The following UNC13C variants were observed in gnomAD, a reference collection of about 807,000 sequenced individuals.
The protein encoded by UNC13C is unc-13 homolog C.
A neutral mutation model predicts 245.4 loss-of-function variants in UNC13C; 174 were observed. The observed-to-expected ratio is 0.71, with a 90% CI of 0.63 to 0.80. UNC13C has a LOEUF of 0.80. Ranked by LOEUF, UNC13C falls within the 30% of genes least tolerant of loss-of-function variation. The pLI is 0.00. For synonymous variants in UNC13C, 992 were observed against 895.1 expected (o/e 1.11, Z -1.93); for missense variants, 2,829 against 2,602.9 (o/e 1.09, Z -1.89).
intron 4 of UNC13C, among the ~76,000 whole-genome samples, chr15:54,233,101 T>A (rs923665110): frequency 3.9e-5 from 6 of 152,204 alleles, no homozygotes; most frequent in African/African-American, 1.4e-4. Context: ...CAAAAGAGTA[T>A]GTCACCAATG....
intron 19 of UNC13C, among the ~76,000 whole-genome samples, chr15:54,447,233 G>T (rs1266684450): frequency 6.6e-6 from 1 of 152,008 alleles, no homozygotes; most frequent in East Asian, 1.9e-4. Context: ...GTTCATCAGG[G>T]ATATTGGTCT....
chr15:54,213,042 A>G (rs1004938922), intron 4 of UNC13C, among the ~76,000 whole-genome samples: 2 of 152,016 alleles, frequency 1.3e-5, no homozygotes, highest in African/African-American at 4.8e-5. Context: ...TAGAATAATA[A>G]CCTTTGCTTC....
In UNC13C at chr15:54,006,949, G is replaced by A. The variant is rs1332504961; in HGVS notation, c.-256-5699G>A. Among the ~76,000 whole-genome samples, 3 of 152,184 alleles carry A rather than the reference G, an allele frequency of 2.0e-5. No homozygotes were observed. The East Asian group carries it at 5.8e-4, about 29-fold the overall frequency. On this transcript the variant is annotated intron_variant, in intron 1 of 32. Transcript: ENST00000260323. ...CTCAGTTGCACCTTTTCTGCACTTT[G>A]TGAGGGTTGCTTCCTTCTCTGTTGC...
chr15:54,090,961 G>A (rs997986196), intron 2 of UNC13C, among the ~76,000 whole-genome samples: 1 of 151,660 alleles, frequency 6.6e-6, no homozygotes. Flanking sequence ...CCTCTGTGCA[G>A]AGAGATGAGA....
Position 54,392,915 on chromosome 15 carries a change from A to G in UNC13C, c.4714-133A>G, listed in dbSNP as rs534552477. ...AATGAAGAAAAGAAACCTGAGTTTA[A>G]CAGCTTTGACTCCCATAATCTAAGT... On this transcript the variant is annotated intron_variant, in intron 17 of 32. Transcript: ENST00000260323. 33 of 1,051,354 alleles carry G rather than the reference A, an allele frequency of 3.1e-5. 1 individual carries two copies. The South Asian group carries it at 7.8e-4, about 25-fold the overall frequency. 65.1% of individuals were successfully genotyped at this position (1,051,354 alleles called of 1,614,324 possible). A position where few individuals can be genotyped will look rare whatever the true frequency, so the allele number is the denominator to read the frequency against.
chr15:54,387,008 T>C (rs1481188845), intron 17 of UNC13C, among the ~76,000 whole-genome samples: 1 of 152,208 alleles, frequency 6.6e-6, no homozygotes, highest in African/African-American at 2.4e-5. Flanking sequence ...CACATTGCTC[T>C]TCACAAGGAT....
At chr15:54,273,345 C>T (rs192001661) in intron 10 of UNC13C, among the ~76,000 whole-genome samples, 2 of 152,266 alleles carry the variant, frequency 1.3e-5, no homozygotes, top group East Asian at 3.9e-4. Context: ...TTCACTGTGT[C>T]CCTATCTCCC....
Position 54,500,819 on chromosome 15 carries a change from C to T in UNC13C, c.5158-16C>T, listed in dbSNP as rs1227060101. The T allele has an allele frequency of 1.2e-6, 2 of 1,611,390 alleles. No individual in the cohort carries two copies. The highest frequency in any genetic ancestry group is 3.3e-5 in the Admixed American group (2 of 59,702). On this transcript the variant is annotated splice_polypyrimidine_tract_variant and intron_variant, in intron 21 of 32. Coordinates refer to ENST00000260323, the MANE Select transcript of UNC13C (RefSeq NM_001080534.3). ...TAATGTACTGTTTGGGATGGTTTCA[C>T]CTCCTCTCCCCACAGTTCCAGCAGA...
rs768911140 is a variant in UNC13C at position 54,531,056 on chromosome 15, C to T, written c.5547-1861C>T. Among the ~76,000 whole-genome samples the T allele has an allele frequency of 1.3e-3, 196 of 152,062 alleles. 3 individuals carry two copies. Among genetic ancestry groups the T allele is most frequent in the Non-Finnish European group, 4.3e-4 (29 of 68,006 alleles). ...GTAAAGGGGTCTATAGTGGCATTTTCGGAAGTAATAATAAATCCTCAGATT... is the reference window on the plus strand; with the variant it reads ...GTAAAGGGGTCTATAGTGGCATTTTTGGAAGTAATAATAAATCCTCAGATT... On this transcript the variant is annotated intron_variant, in intron 25 of 32. Coordinates refer to ENST00000260323, the MANE Select transcript of UNC13C (RefSeq NM_001080534.3).
At chr15:54,333,391 A>C (rs1416086251) in intron 15 of UNC13C, among the ~76,000 whole-genome samples, 1 of 152,032 alleles carries the variant, frequency 6.6e-6, no homozygotes, top group Admixed American at 6.6e-5. Context: ...AGTATTTTTT[A>C]AAAAGTAGTT....
chr15:54,279,527 G>A lies in UNC13C; in HGVS notation c.3818+14031G>A, dbSNP rs577520737. On this transcript the variant is annotated intron_variant, in intron 10 of 32. Transcript: ENST00000260323. ...TCAGATAAAGTCTGTTTGGGAAGCT[G>A]ATGGAACCACAACTTGTTACTGGCA... 7.2e-5 allele frequency among the ~76,000 whole-genome samples: 11 copies of A among 152,272 alleles called. No homozygotes were observed. In the South Asian group the frequency reaches 2.3e-3, roughly 32 times the overall value.
At chr15:54,522,034 G>T (rs1465697504) in intron 24 of UNC13C, among the ~76,000 whole-genome samples, 2 of 152,226 alleles carry the variant, frequency 1.3e-5, no homozygotes, top group Admixed American at 6.5e-5. Flanking sequence ...CATAGTCAGT[G>T]TAGAGGCTAG....
chr15:54,275,200 TA>T (rs1312996515), intron 10 of UNC13C, among the ~76,000 whole-genome samples: 1 of 152,092 alleles, frequency 6.6e-6, no homozygotes, highest in African/African-American at 2.4e-5. Flanking sequence ...ACACTTTAAA[TA>T]AAGACACAAA....
intron 14 of UNC13C, among the ~76,000 whole-genome samples, chr15:54,328,061 A>T (rs543155688): frequency 1.1e-4 from 16 of 152,236 alleles, no homozygotes; most frequent in Admixed American, 7.2e-4. Flanking sequence ...GGCTGAGGGG[A>T]AGGCTAAGCG....
intron 2 of UNC13C, among the ~76,000 whole-genome samples, chr15:54,091,777 G>C (rs1319392382): frequency 1.3e-5 from 2 of 151,114 alleles, no homozygotes; most frequent in African/African-American, 4.9e-5. Context: ...TTTTTTAAGA[G>C]AAATCATTTT....
At chr15:54,077,003 G>T (rs1266566325) in intron 2 of UNC13C, among the ~76,000 whole-genome samples, 1 of 152,100 alleles carries the variant, frequency 6.6e-6, no homozygotes, top group Non-Finnish European at 1.5e-5. Flanking sequence ...TAAGAAAATG[G>T]TATCTGAGAG....
At chr15:54,171,096 T>A (rs1235409799) in intron 4 of UNC13C, among the ~76,000 whole-genome samples, 1 of 152,156 alleles carries the variant, frequency 6.6e-6, no homozygotes, top group Admixed American at 6.5e-5. Context: ...AGCTGCCCAA[T>A]AGAAATTCAG....
chr15:53,959,285 T>G, the UNC13C span, among the ~76,000 whole-genome samples: 5 of 152,200 alleles, frequency 3.3e-5, no homozygotes, highest in African/African-American at 4.8e-5. Flanking sequence ...ATACTGTTTT[T>G]TTTTTCTCTT....
chr15:54,194,973 T>C lies in UNC13C; in HGVS notation c.3072-40057T>C, dbSNP rs116223365. 9.6e-3 allele frequency among the ~76,000 whole-genome samples: 1,463 copies of C among 152,312 alleles called. 26 individuals carry two copies. The highest frequency in any genetic ancestry group is 0.034 in the African/African-American group (1,397 of 41,572). ...TTAGACTCTATTTCCATTTAGTTTGTCATCTTTTCTCAAAAATTACATTTA... is the reference window on the plus strand; with the variant it reads ...TTAGACTCTATTTCCATTTAGTTTGCCATCTTTTCTCAAAAATTACATTTA... On this transcript the variant is annotated intron_variant, in intron 4 of 32. Transcript: ENST00000260323.
Sources: allele counts gnomAD v4.1 joint callset (sites outside exome capture counted in the v4.1 genomes callset), GRCh38; gene constraint gnomAD v4.1.1; transcripts MANE v1.5; gene names NCBI Gene and HGNC (gene_info 2026-07-23, HGNC 2026-07-21).